The following ASPM variants were observed in gnomAD, a reference collection of about 807,000 sequenced individuals.
ASPM encodes abnormal spindle-like microcephaly-associated protein.
ASPM carries 256 observed loss-of-function variants against 366.4 expected under a neutral mutation model. That is an observed-to-expected ratio of 0.70 (90% confidence interval 0.63 to 0.77). ASPM has a LOEUF of 0.77. Ranked by LOEUF, ASPM falls within the 30% of genes least tolerant of loss-of-function variation. ASPM has a pLI of 0.00. For missense variants in ASPM, 4,146 were observed against 4,090.4 expected (o/e 1.01, Z -0.37); for synonymous variants, 1,414 against 1,342.9 (o/e 1.05, Z -1.16).
chr1:197,146,151 A>C lies in ASPM; in HGVS notation c.287T>G (p.Phe96Cys), dbSNP rs1184074887. 1.2e-6 allele frequency: 2 copies of C among 1,614,050 alleles called. No homozygotes were observed. Among genetic ancestry groups the C allele is most frequent in the Admixed American group, 1.7e-5 (1 of 60,018 alleles). The change falls in exon 1 of 28, where the codon TTC becomes TGC. Residue 96 changes from phenylalanine to cysteine, a missense_variant. Around this residue, in one of 3 missense-constraint regions of ASPM, gnomAD observed 512 missense variants for 471.7 expected, o/e 1.09. Coordinates refer to ENST00000367409, the MANE Select transcript of ASPM (RefSeq NM_018136.5). ...DLGFSVSQRC[F>C]VLQPKEKIVI... The stretch of plus-strand genomic sequence containing the variant: ...CCTCCTGAGACCTACCTGCAACACG[A>C]AACAGCGCTGCGACACACTGAAGCC...
intron 10 of ASPM, among the ~76,000 whole-genome samples, chr1:197,125,836 A>G (rs918972596): frequency 5.3e-5 from 8 of 152,142 alleles, no homozygotes; most frequent in African/African-American, 1.7e-4. Flanking sequence ...TTCTGTCTTC[A>G]ACAAAAAGCT....
intron 16 of ASPM, among the ~76,000 whole-genome samples, chr1:197,121,345 A>T (rs1657901103): frequency 6.6e-6 from 1 of 152,172 alleles, no homozygotes; most frequent in Non-Finnish European, 1.5e-5. Flanking sequence ...AATAAATAAC[A>T]TCTCTATTCT....
intron 22 of ASPM, 104 bp from the exon 23 acceptor site, chr1:197,091,145 T>A: frequency 1.9e-6 from 2 of 1,037,324 alleles, no homozygotes; most frequent in Non-Finnish European, 2.8e-6. Flanking sequence ...GAACAGTATA[T>A]CAAGAAATCT....
intron 3 of ASPM, among the ~76,000 whole-genome samples, chr1:197,140,182 A>G (rs1658539141): frequency 6.6e-6 from 1 of 152,244 alleles, no homozygotes; most frequent in Non-Finnish European, 1.5e-5. Context: ...ATTGAAAAAT[A>G]TGGTCTCAGC....
chr1:197,135,793 AC>A (rs1658404773), intron 4 of ASPM, among the ~76,000 whole-genome samples: 1 of 152,014 alleles, frequency 6.6e-6, no homozygotes, highest in South Asian at 2.1e-4. Context: ...TCTACCAAAA[AC>A]ACAAATAAAC....
At position 197,093,473 on chromosome 1, in the gene ASPM, G is replaced by A. The variant is rs547277826; in HGVS notation, c.9085-212C>T. ...TGAAGGTGTAAGCCAAGGGTCAAGG[G>A]TCAATAGATACCTGGTGCTCTTTCC... On this transcript the variant is annotated intron_variant, in intron 20 of 27. Transcript: ENST00000367409. 2.0e-5 allele frequency among the ~76,000 whole-genome samples: 3 copies of A among 151,706 alleles called. No homozygotes were observed. The East Asian group carries it at 5.8e-4, about 30-fold the overall frequency.
At position 197,103,668 on chromosome 1, in the gene ASPM, G is replaced by T; in HGVS notation, c.5583C>A (p.Tyr1861Ter). ...IIKIQRWYRA[Y>*]KTLHDTRTHF... ...GTGTTCTTGTATCATGAAGAGTCTTGTACGCCCTGTACCATCTCTGAATCT... is the reference window on the plus strand; with the variant it reads ...GTGTTCTTGTATCATGAAGAGTCTTTTACGCCCTGTACCATCTCTGAATCT... The change falls in exon 18 of 28, where the codon TAC becomes TAA. Residue 1861 changes from tyrosine (Y) to a stop codon, truncating the protein, a stop_gained. Coordinates refer to ENST00000367409, the MANE Select transcript of ASPM (RefSeq NM_018136.5). LOFTEE classifies it high-confidence loss of function. The T allele has an allele frequency of 6.2e-7, 1 of 1,612,804 alleles. No individual in the cohort carries two copies. Among genetic ancestry groups the T allele is most frequent in the Non-Finnish European group, 8.5e-7 (1 of 1,179,330 alleles).
rs142536561 is a variant in ASPM, at chr1:197,103,952, C to G, written c.5299G>C (p.Ala1767Pro). The G allele has an allele frequency of 2.5e-4, 409 of 1,612,516 alleles. No homozygotes were observed. In the African/African-American group the frequency reaches 4.5e-3, roughly 18 times the overall value. The change falls in exon 18 of 28, where the codon GCT (alanine) becomes CCT (proline). Residue 1767 changes from alanine to proline, a missense_variant. Coordinates refer to ENST00000367409, the MANE Select transcript of ASPM (RefSeq NM_018136.5). ...SLQSYFRMRK[A>P]RQYYLKMYKA... ...TACATTTTCAGATAATACTGCCGAG[C>G]CTTTCTCATTCTGAAATAAGACTGT...
In ASPM at chr1:197,104,446, T is replaced by C. The variant is rs934101133; in HGVS notation, c.4805A>G (p.Tyr1602Cys). 1.2e-6 allele frequency: 2 copies of C among 1,612,888 alleles called. No homozygotes were observed. The highest frequency in any genetic ancestry group is 1.3e-5 in the African/African-American group (1 of 74,828). Residue 1602 changes from tyrosine to cysteine, a missense_variant, in exon 18 of 28, where the codon TAT becomes TGT. This residue lies in a region of ASPM where 3,624 missense variants were observed against 3,591.7 expected (regional missense o/e 1.01). Coordinates refer to ENST00000367409, the MANE Select transcript of ASPM (RefSeq NM_018136.5). ...HVRKHQQRQKYKKMKKAAVII... is the reference protein window; with the variant it reads ...HVRKHQQRQKCKKMKKAAVII... Reference sequence around the variant, plus strand: ...AACAGCTGCTTTCTTCATCTTCTTATATTTCTGTCGTTGTTGATGTTTTCT... The same window carrying C: ...AACAGCTGCTTTCTTCATCTTCTTACATTTCTGTCGTTGTTGATGTTTTCT...
chr1:197,124,189 C>T lies in ASPM; in HGVS notation c.3311G>A (p.Gly1104Asp), dbSNP rs146959075. 1.3e-4 allele frequency: 217 copies of T among 1,612,544 alleles called. No homozygotes were observed. The highest frequency in any genetic ancestry group is 1.8e-4 in the Non-Finnish European group (210 of 1,179,070). ...INKKKGKRDS[G>D]SFEQYSENIK... ...GTTTTCACTATATTGTTCAAAGGAA[C>T]CACTATCCCTTTTGCCTTTTTTCTT... Residue 1104 changes from glycine (G) to aspartate (D), a missense_variant, in exon 13 of 28, where the codon GGT (glycine) becomes GAT (aspartate). By Grantham distance (94) the Gly-to-Asp change is moderately conservative. Around this residue, in one of 3 missense-constraint regions of ASPM, gnomAD observed 3,624 missense variants for 3,591.7 expected, o/e 1.01. Transcript: ENST00000367409.
In ASPM at chr1:197,101,898, C is replaced by A. The variant is rs111487086; in HGVS notation, c.7353G>T (p.Leu2451Phe). The change falls in exon 18 of 28, where the codon TTG becomes TTT. Residue 2451 changes from leucine (L) to phenylalanine (F), a missense_variant. Around this residue, in one of 3 missense-constraint regions of ASPM, gnomAD observed 3,624 missense variants for 3,591.7 expected, o/e 1.01. Transcript: ENST00000367409. The part of the protein sequence containing the change: ...YRATICAKHK[L>F]YQFLHLRKAA... ...CCTTTCTTAAGTGCAAGAATTGGTACAATTTATGTTTGGCACAAATGGTGG... is the reference window on the plus strand; with the variant it reads ...CCTTTCTTAAGTGCAAGAATTGGTAAAATTTATGTTTGGCACAAATGGTGG... The A allele has an allele frequency of 1.2e-6, 2 of 1,612,794 alleles. No homozygotes were observed. Among genetic ancestry groups the A allele is most frequent in the South Asian group, 2.2e-5 (2 of 91,070 alleles).
intron 19 of ASPM, among the ~76,000 whole-genome samples, chr1:197,095,164 A>T (rs1039178031): frequency 1.1e-4 from 16 of 151,690 alleles, no homozygotes; most frequent in African/African-American, 3.9e-4. Flanking sequence ...TAGTTGCCCT[A>T]TTGTGCTACT....
At chr1:197,114,531 G>T (rs1302557599) in intron 17 of ASPM, among the ~76,000 whole-genome samples, 1 of 152,158 alleles carries the variant, frequency 6.6e-6, no homozygotes, top group Admixed American at 6.5e-5. Flanking sequence ...GCCCGCTGCT[G>T]CTTTGTCAAC....
In ASPM at chr1:197,101,177, C is replaced by T. The variant is rs1657159095; in HGVS notation, c.8074G>A (p.Ala2692Thr). The T allele has an allele frequency of 6.2e-7, 1 of 1,612,422 alleles. No individual in the cohort carries two copies. Among genetic ancestry groups the T allele is most frequent in the Non-Finnish European group, 8.5e-7 (1 of 1,179,104 alleles). The change falls in exon 18 of 28, where the codon GCC (alanine) becomes ACC (threonine). Residue 2692 changes from alanine to threonine, a missense_variant. This residue lies in a region of ASPM where 3,624 missense variants were observed against 3,591.7 expected (regional missense o/e 1.01). Transcript: ENST00000367409. Reference protein sequence around the residue: ...RKDIQNMHRAATLIQSFYRMH... With the variant: ...RKDIQNMHRATTLIQSFYRMH... Reference sequence around the variant, plus strand: ...CGATAGAATGACTGAATTAGTGTGGCAGCCCGGTGCATATTTTGAATATCC... The same window carrying T: ...CGATAGAATGACTGAATTAGTGTGGTAGCCCGGTGCATATTTTGAATATCC...
At chr1:197,138,712 T>C (rs1658492273) in intron 4 of ASPM, 2 of 665,432 alleles carry the variant, frequency 3.0e-6, no homozygotes, top group East Asian at 2.6e-5. Flanking sequence ...GGGATGTGAA[T>C]GATAGGGCTC....
At chr1:197,113,908 C>T (rs929640915) in intron 17 of ASPM, among the ~76,000 whole-genome samples, 5 of 152,138 alleles carry the variant, frequency 3.3e-5, no homozygotes, top group African/African-American at 1.2e-4. Context: ...TACACAATCA[C>T]CAGAATGGCT....
intron 17 of ASPM, among the ~76,000 whole-genome samples, chr1:197,117,101 A>G (rs1657758311): frequency 6.6e-6 from 1 of 152,110 alleles, no homozygotes; most frequent in South Asian, 2.1e-4. Context: ...AAAAAAGACA[A>G]TTATTTAAGT....
At chr1:197,115,343 TC>T (rs1337484208) in intron 17 of ASPM, among the ~76,000 whole-genome samples, 1 of 152,076 alleles carries the variant, frequency 6.6e-6, no homozygotes, top group African/African-American at 2.4e-5. Flanking sequence ...TGCAGTTACT[TC>T]CTCCAACGAA....
rs916443045 is a variant in ASPM, at chr1:197,084,279, T to C, written c.*45A>G. 1 of 1,423,120 alleles carries C rather than the reference T, an allele frequency of 7.0e-7. No individual in the cohort carries two copies. The highest frequency in any genetic ancestry group is 9.9e-7 in the Non-Finnish European group (1 of 1,008,570). The allele number at this position is 1,423,120 out of a possible 1,614,324, so 88.2% of individuals were successfully genotyped here. A position where few individuals can be genotyped will look rare whatever the true frequency, so the allele number is the denominator to read the frequency against. On this transcript the variant is annotated 3_prime_UTR_variant, in exon 28 of 28. Transcript: ENST00000367409. ...ATCACTTTACGTACTCATGATTGGC[T>C]TTAATATTTCTTTACACTATACATA...
Sources: allele counts gnomAD v4.1 joint callset (sites outside exome capture counted in the v4.1 genomes callset), GRCh38; gene constraint gnomAD v4.1.1; regional missense constraint gnomAD v4.1.1; transcripts MANE v1.5; gene names NCBI Gene and HGNC (gene_info 2026-07-23, HGNC 2026-07-21).